Variants in BTN2A2 observed in about 807,000 individuals in gnomAD.
BTN2A2 encodes the protein butyrophilin 2.
In BTN2A2, 29 loss-of-function variants were observed where a neutral mutation model predicts 34.7. That is an observed-to-expected ratio of 0.84 (90% CI 0.62 to 1.14). BTN2A2 has a LOEUF of 1.14. Among genes scored for constraint, BTN2A2 ranks in the 50% most tolerant of loss-of-function variants. The pLI is 0.00. For synonymous variants in BTN2A2, 240 were observed against 253.1 expected (o/e 0.95, Z 0.49); for missense variants, 612 against 651.5 (o/e 0.94, Z 0.66).
At position 26,392,189 on chromosome 6, in the gene BTN2A2, G is replaced by A. The variant is rs757822219; in HGVS notation, c.980-186G>A. 2.0e-6 allele frequency: 3 copies of A among 1,517,628 alleles called. No homozygotes were observed. In the South Asian group the frequency reaches 3.6e-5, roughly 18 times the overall value. The allele number at this position is 1,517,628 out of a possible 1,614,324, so 94.0% of individuals were successfully genotyped here. A position where few individuals can be genotyped will look rare whatever the true frequency, so the allele number is the denominator to read the frequency against. On this transcript the variant is annotated intron_variant, in intron 7 of 7. Transcript: ENST00000356709. ...CCTGGGGGCACTGCTTCTGTCTCTG[G>A]AGAGATAGAAGTGCAGCTTCCGTAA...
Position 26,392,559 on chromosome 6 carries a change from G to A in BTN2A2, c.1164G>A (p.Val388=), listed in dbSNP as rs1761656112. 6.2e-7 allele frequency: 1 copy of A among 1,614,208 alleles called. No individual in the cohort carries two copies. Among genetic ancestry groups the A allele is most frequent in the South Asian group, 1.1e-5 (1 of 91,078 alleles). ...ASGKHYWEVE[V]ENVMVWTVGV... ...GGAAACATTACTGGGAGGTGGAGGT[G>A]GAAAACGTGATGGTGTGGACTGTGG... The change falls in exon 8 of 8, where the codon GTG becomes GTA. Residue 388 remains valine, a synonymous_variant. Coordinates refer to ENST00000356709, the MANE Select transcript of BTN2A2 (RefSeq NM_006995.5).
Position 26,393,522 on chromosome 6 carries a change from C to T in BTN2A2, c.*555C>T. Reference sequence around the variant, plus strand: ...TAAAGGGTCCTGGGAGATGATGGCTCATTTCCACCCAACCCCAGGATTTCC... The same window carrying T: ...TAAAGGGTCCTGGGAGATGATGGCTTATTTCCACCCAACCCCAGGATTTCC... On this transcript the variant is annotated 3_prime_UTR_variant, in exon 8 of 8. Transcript: ENST00000356709. 1 of 1,015,416 alleles carries T rather than the reference C, an allele frequency of 9.8e-7. No individual in the cohort carries two copies. Among genetic ancestry groups the T allele is most frequent in the Non-Finnish European group, 1.2e-6 (1 of 848,346 alleles). 62.9% of individuals were successfully genotyped at this position (1,015,416 alleles called of 1,614,324 possible).
At chr6:26,390,464 C>A in intron 5 of BTN2A2, 1 of 698,786 alleles carries the variant, frequency 1.4e-6, no homozygotes. Context: ...ATATGCAGCA[C>A]TACATGGCTG....
At position 26,393,240 on chromosome 6, in the gene BTN2A2, G is replaced by A. The variant is rs754948990; in HGVS notation, c.*273G>A. 2.7e-6 allele frequency: 4 copies of A among 1,469,564 alleles called. No homozygotes were observed. The East Asian group carries it at 1.0e-4, about 37-fold the overall frequency. The allele number at this position is 1,469,564 out of a possible 1,614,324, so 91.0% of individuals were successfully genotyped here. On this transcript the variant is annotated 3_prime_UTR_variant, in exon 8 of 8. Coordinates refer to ENST00000356709, the MANE Select transcript of BTN2A2 (RefSeq NM_006995.5). ...CATAGCTCCCAGTCAAAAAGAAAGT[G>A]AGAGAAGCTGTTGGGCAGCGAACCT...
Position 26,390,146 on chromosome 6 carries a change from T to G in BTN2A2, c.866T>G (p.Leu289Arg). Residue 289 changes from leucine (L) to arginine (R), a missense_variant, in exon 5 of 8, where the codon CTT becomes CGT. Leu to Arg is a moderately radical substitution (Grantham distance 102). Transcript: ENST00000356709. ...GTCAGCATCTGTTGCATCAAGAAACTTCAAAGGGAAAAAAAGATTCTGTCA... is the reference window on the plus strand; with the variant it reads ...GTCAGCATCTGTTGCATCAAGAAACGTCAAAGGGAAAAAAAGATTCTGTCA... ...MAVSICCIKK[L>R]QREKKILSGE... 6.2e-7 allele frequency: 1 copy of G among 1,613,796 alleles called. No individual in the cohort carries two copies. Among genetic ancestry groups the G allele is most frequent in the Non-Finnish European group, 8.5e-7 (1 of 1,179,982 alleles).
intron 4 of BTN2A2, among the ~76,000 whole-genome samples, chr6:26,389,453 G>A (rs1026384595): frequency 1.3e-5 from 2 of 152,206 alleles, no homozygotes; most frequent in African/African-American, 4.8e-5. Context: ...CTCCCAGGAG[G>A]TGATGCTGGT....
rs948176830 is a variant in BTN2A2 at position 26,385,539 on chromosome 6, A to G, written c.442+177A>G. 7.3e-5 allele frequency: 40 copies of G among 547,678 alleles called. No individual in the cohort carries two copies. The East Asian group carries it at 1.3e-3, about 18-fold the overall frequency. 33.9% of individuals were successfully genotyped at this position (547,678 alleles called of 1,614,324 possible). ...ATGAGTGGGTTTGCCCTGCTAAGCT[A>G]TAGGTTTCACTTCTTTTTTTTTTTT... On this transcript the variant is annotated intron_variant, in intron 3 of 7. Coordinates refer to ENST00000356709, the MANE Select transcript of BTN2A2 (RefSeq NM_006995.5).
chr6:26,390,943 C>T (rs1761541465), intron 7 of BTN2A2, 114 bp downstream of exon 7: 5 of 1,526,032 alleles, frequency 3.3e-6, no homozygotes, highest in Non-Finnish European at 4.5e-6. Context: ...CCATAGGGAA[C>T]TGGGGTCAGT....
Position 26,389,995 on chromosome 6 carries a change from G to T in BTN2A2, c.725-10G>T. On this transcript the variant is annotated splice_polypyrimidine_tract_variant and intron_variant, in intron 4 of 7. Coordinates refer to ENST00000356709, the MANE Select transcript of BTN2A2 (RefSeq NM_006995.5). ...TCAAACTAAATGGACTTTTCTGGCT[G>T]CCTTTTCAGAATCCTTTATGCCCAG... 1 of 1,610,320 alleles carries T rather than the reference G, an allele frequency of 6.2e-7. No homozygotes were observed. The highest frequency in any genetic ancestry group is 1.1e-5 in the South Asian group (1 of 90,862).
At chr6:26,385,530 T>C (rs1056534468) in intron 3 of BTN2A2, 168 bp downstream of exon 3, 6 of 639,618 alleles carry the variant, frequency 9.4e-6, no homozygotes, top group Non-Finnish European at 1.3e-5. Flanking sequence ...GGGTTTGCCC[T>C]GCTAAGCTAT....
chr6:26,392,469 G>A lies in BTN2A2; in HGVS notation c.1074G>A (p.Val358=), dbSNP rs1238693083. The A allele has an allele frequency of 1.2e-6, 2 of 1,614,250 alleles. No homozygotes were observed. The highest frequency in any genetic ancestry group is 2.2e-5 in the South Asian group (2 of 91,084). ...GGCGGGGCCCCTACAGGCAGAGAGT[G>A]CCTGACAACCCAGAGAGATTCGACA... ...SVRRGPYRQR[V]PDNPERFDSQ... Residue 358 remains valine (V), a synonymous_variant, in exon 8 of 8, where the codon GTG becomes GTA. Coordinates refer to ENST00000356709, the MANE Select transcript of BTN2A2 (RefSeq NM_006995.5).
At position 26,385,321 on chromosome 6, in the gene BTN2A2, G is replaced by A; in HGVS notation, c.401G>A (p.Gly134Asp). 6.2e-7 allele frequency: 1 copy of A among 1,614,100 alleles called. No homozygotes were observed. Among genetic ancestry groups the A allele is most frequent in the Non-Finnish European group, 8.5e-7 (1 of 1,179,992 alleles). ...NGIYRCYFQE[G>D]RSYDEAILRL... is the part of the protein sequence containing the mutation. ...ATCTACCGCTGTTACTTCCAAGAAG[G>A]CAGGTCCTACGATGAGGCCATCCTA... Residue 134 changes from glycine (G) to aspartate (D), a missense_variant, in exon 3 of 8, where the codon GGC becomes GAC. Gly to Asp is a moderately conservative substitution (Grantham distance 94). Transcript: ENST00000356709.
Position 26,394,016 on chromosome 6 carries a change from T to C in BTN2A2, c.*1049T>C. On this transcript the variant is annotated 3_prime_UTR_variant, in exon 8 of 8. Coordinates refer to ENST00000356709, the MANE Select transcript of BTN2A2 (RefSeq NM_006995.5). ...GACACTGGTTAACTTTTTCCAGATC[T>C]CATGTCTGGCTTAATAAGAGATATT... 1 of 342,676 alleles carries C rather than the reference T, an allele frequency of 2.9e-6. No individual in the cohort carries two copies. Among genetic ancestry groups the C allele is most frequent in the East Asian group, 4.6e-5 (1 of 21,940 alleles). The allele number at this position is 342,676 out of a possible 1,614,324, so 21.2% of individuals were successfully genotyped here.
At position 26,392,446 on chromosome 6, in the gene BTN2A2, C is replaced by A; in HGVS notation, c.1051C>A (p.Arg351=). Residue 351 remains arginine, a synonymous_variant, in exon 8 of 8, where the codon CGG becomes AGG. Transcript: ENST00000356709. ...GTCAGAGGACCGGAGAAGTGTGAGGCGGGGCCCCTACAGGCAGAGAGTGCC... is the reference window on the plus strand; with the variant it reads ...GTCAGAGGACCGGAGAAGTGTGAGGAGGGGCCCCTACAGGCAGAGAGTGCC... ...FLSEDRRSVR[R]GPYRQRVPDN... 4 of 1,614,206 alleles carry A rather than the reference C, an allele frequency of 2.5e-6. No individual in the cohort carries two copies. Among genetic ancestry groups the A allele is most frequent in the Non-Finnish European group, 3.4e-6 (4 of 1,180,044 alleles).
chr6:26,387,869 C>T lies in BTN2A2; in HGVS notation c.443-144C>T. On this transcript the variant is annotated intron_variant, in intron 3 of 7. Transcript: ENST00000356709. ...AGAAAAGTGTGCAATGTGATCCTTT[C>T]TCTTTGAGATCTCACAATTTATTTT... The T allele has an allele frequency of 4.9e-6, 4 of 820,054 alleles. No individual in the cohort carries two copies. In the South Asian group the frequency reaches 7.4e-5, roughly 15 times the overall value. 50.8% of individuals were successfully genotyped at this position (820,054 alleles called of 1,614,324 possible).
chr6:26,389,002 C>G (rs1315013806), intron 4 of BTN2A2, among the ~76,000 whole-genome samples: 1 of 152,084 alleles, frequency 6.6e-6, no homozygotes, highest in East Asian at 1.9e-4. Flanking sequence ...CGCCTGTAAT[C>G]CCCGCTGCTT....
Position 26,392,696 on chromosome 6 carries a change from A to T in BTN2A2, c.1301A>T (p.Glu434Val), listed in dbSNP as rs776434720. Residue 434 changes from glutamate (E) to valine (V), a missense_variant, in exon 8 of 8, where the codon GAG becomes GTG. Physicochemically the swap from Glu to Val is moderately radical, Grantham distance 121 (BLOSUM62 -2). Transcript: ENST00000356709. ...CAATACCGGGCCCTGTCCTCCCCTGAGAGGATTCTCCCTTTGAAGGAGTCC... is the reference window on the plus strand; with the variant it reads ...CAATACCGGGCCCTGTCCTCCCCTGTGAGGATTCTCCCTTTGAAGGAGTCC... ...GNQYRALSSPERILPLKESLC... is the reference protein window; with the variant it reads ...GNQYRALSSPVRILPLKESLC... The T allele has an allele frequency of 1.9e-6, 3 of 1,614,076 alleles. No homozygotes were observed. Among genetic ancestry groups the T allele is most frequent in the African/African-American group, 2.7e-5 (2 of 74,928 alleles).
chr6:26,388,356 G>A, intron 4 of BTN2A2, 62 bp downstream of exon 4: 6 of 1,578,180 alleles, frequency 3.8e-6, no homozygotes, highest in Non-Finnish European at 5.2e-6. Context: ...CCCAGATGGA[G>A]CCCAGAGCGG....
rs1234340386 is a variant in BTN2A2, at chr6:26,393,707, AC to A, written c.*741del. ...TGAGGTCCTGGTCGAGCAGGGCAGTACTGGACCAGGTCTACGTCAGCATTCA... is the reference window on the plus strand; with the variant it reads ...TGAGGTCCTGGTCGAGCAGGGCAGTATGGACCAGGTCTACGTCAGCATTCA... On this transcript the variant is annotated 3_prime_UTR_variant, in exon 8 of 8. Coordinates refer to ENST00000356709, the MANE Select transcript of BTN2A2 (RefSeq NM_006995.5). 1.0e-5 allele frequency: 10 copies of A among 989,936 alleles called. No homozygotes were observed. Among genetic ancestry groups the A allele is most frequent in the South Asian group, 9.3e-5 (2 of 21,596 alleles). 61.3% of individuals were successfully genotyped at this position (989,936 alleles called of 1,614,324 possible).
Sources: allele counts gnomAD v4.1 joint callset (sites outside exome capture counted in the v4.1 genomes callset), GRCh38; gene constraint gnomAD v4.1.1; transcripts MANE v1.5; gene names NCBI Gene and HGNC (gene_info 2026-07-23, HGNC 2026-07-21).